EHBP1: variants seen among roughly 807,000 people sequenced by gnomAD.
The protein encoded by EHBP1 is EH domain binding protein 1.
EHBP1 carries 55 observed loss-of-function variants against 144.0 expected under a neutral mutation model. That is an observed-to-expected ratio of 0.38 (90% CI 0.31 to 0.48). The LOEUF (loss-of-function observed/expected upper bound fraction) is 0.48, where lower values mean the gene tolerates loss of function less well. Among genes scored for constraint, EHBP1 ranks in the 20% least tolerant of loss-of-function variants. The pLI, the probability that EHBP1 is intolerant of heterozygous loss-of-function variation, is 0.98. For missense variants in EHBP1, 1,200 were observed against 1,364.2 expected, an observed-to-expected ratio of 0.88 and a Z score of 1.90; for synonymous variants, 469 against 472.7, an observed-to-expected ratio of 0.99 and a Z score of 0.10.
At chr2:63,022,912 G>A (rs545075385) in intron 19 of EHBP1, among the ~76,000 whole-genome samples, 10 of 152,142 alleles carry the variant, frequency 6.6e-5, no homozygotes, top group East Asian at 1.9e-4. Context: ...AGTGGCTCAC[G>A]CCTGTAATCC....
intron 5 of EHBP1, among the ~76,000 whole-genome samples, chr2:62,794,147 T>C (rs193086137): frequency 3.6e-4 from 55 of 152,214 alleles, no homozygotes; most frequent in Middle Eastern, 6.8e-3. Context: ...GGTTTCTAAA[T>C]AATCCACAGC....
chr2:62,837,537 A>T (rs2047380868), intron 7 of EHBP1, among the ~76,000 whole-genome samples: 1 of 152,142 alleles, frequency 6.6e-6, no homozygotes, highest in Non-Finnish European at 1.5e-5. Flanking sequence ...TAAAAGACAC[A>T]GACTGGCAAA....
intron 19 of EHBP1, among the ~76,000 whole-genome samples, chr2:63,001,864 T>C (rs1359755800): frequency 6.6e-6 from 1 of 152,190 alleles, no homozygotes; most frequent in Non-Finnish European, 1.5e-5. Flanking sequence ...TTTCCTGGGG[T>C]TCTACTAGTA....
chr2:62,739,934 A>AG (rs2038535736), intron 2 of EHBP1, among the ~76,000 whole-genome samples: 1 of 118,178 alleles, frequency 8.5e-6, no homozygotes, highest in Non-Finnish European at 1.8e-5. Context: ...AGCCTGTCTC[A>AG]GAAAAAAAAA....
Position 62,979,483 on chromosome 2 carries a change from A to G in EHBP1, c.2608+148A>G, listed in dbSNP as rs1338138356. 14 of 829,528 alleles carry G rather than the reference A, an allele frequency of 1.7e-5. No homozygotes were observed. The Admixed American group carries it at 3.9e-4, about 23-fold the overall frequency. The allele number at this position is 829,528 out of a possible 1,614,324, so 51.4% of individuals were successfully genotyped here. ...ATGTTGCAAAACACCTAAAGGAAGC[A>G]TAGTAAATTAGAAGATAACTGTTGC... On this transcript the variant is annotated intron_variant, in intron 15 of 22. Transcript: ENST00000431489.
chr2:62,690,314 T>C (rs1169659794), intron 1 of EHBP1, among the ~76,000 whole-genome samples: 2 of 152,076 alleles, frequency 1.3e-5, no homozygotes, highest in Non-Finnish European at 2.9e-5. Flanking sequence ...TTGTAATCCC[T>C]GCACTTTGAG....
chr2:62,870,914 A>T (rs1197817701), intron 9 of EHBP1, among the ~76,000 whole-genome samples: 1 of 151,946 alleles, frequency 6.6e-6, no homozygotes, highest in Non-Finnish European at 1.5e-5. Context: ...AAAACCTAAA[A>T]AAGTTCTAAT....
At chr2:62,719,021 A>G (rs2035953660) in intron 2 of EHBP1, among the ~76,000 whole-genome samples, 1 of 146,790 alleles carries the variant, frequency 6.8e-6, no homozygotes, top group Admixed American at 6.9e-5. Context: ...CACTCCCATC[A>G]CTCAGGCTGG....
chr2:62,799,561 A>G (rs1390579241), intron 5 of EHBP1, among the ~76,000 whole-genome samples: 2 of 152,188 alleles, frequency 1.3e-5, no homozygotes, highest in Admixed American at 6.5e-5. Context: ...AATTACCTAT[A>G]TGATTTTTTT....
At chr2:62,851,205 AT>A (rs1190450718) in intron 7 of EHBP1, among the ~76,000 whole-genome samples, 2 of 152,180 alleles carry the variant, frequency 1.3e-5, no homozygotes, top group Non-Finnish European at 2.9e-5. Context: ...TTTCTGAAAT[AT>A]GCTAGATTCC....
intron 3 of EHBP1, among the ~76,000 whole-genome samples, chr2:62,749,716 C>T (rs1445337989): frequency 1.3e-5 from 2 of 152,170 alleles, no homozygotes; most frequent in Admixed American, 6.5e-5. Flanking sequence ...TTTTGATTTG[C>T]ATTTCTCTGA....
chr2:62,747,604 C>A (rs536310896), intron 3 of EHBP1, 152 bp downstream of exon 3: 2 of 618,162 alleles, frequency 3.2e-6, no homozygotes, highest in Non-Finnish European at 5.5e-6. Flanking sequence ...ATGCTATAAT[C>A]TTTTAACTGC....
chr2:62,888,321 C>T (rs1421989139), intron 10 of EHBP1, among the ~76,000 whole-genome samples: 1 of 152,204 alleles, frequency 6.6e-6, no homozygotes. Flanking sequence ...ATCAAGAATA[C>T]CCCTAAAAGT....
intron 1 of EHBP1, among the ~76,000 whole-genome samples, chr2:62,695,179 C>A (rs1448740335): frequency 1.3e-5 from 2 of 152,038 alleles, no homozygotes; most frequent in Non-Finnish European, 2.9e-5. Context: ...GCAACATTGG[C>A]AAAACTCCAT....
At chr2:62,734,918 G>A (rs2037971768) in intron 2 of EHBP1, among the ~76,000 whole-genome samples, 1 of 151,818 alleles carries the variant, frequency 6.6e-6, no homozygotes, top group Non-Finnish European at 1.5e-5. Flanking sequence ...TGTTTTTTTT[G>A]AGATGGAGGT....
intron 10 of EHBP1, among the ~76,000 whole-genome samples, chr2:62,896,542 C>G (rs2052954086): frequency 6.6e-6 from 1 of 152,056 alleles, no homozygotes; most frequent in African/African-American, 2.4e-5. Flanking sequence ...AGGACTCACA[C>G]ATCAATTTGT....
At chr2:62,687,300 T>C (rs181979059) in intron 1 of EHBP1, among the ~76,000 whole-genome samples, 126 of 152,346 alleles carry the variant, frequency 8.3e-4, no homozygotes, top group Non-Finnish European at 1.1e-3. Context: ...ATTTTTCCTA[T>C]TGATGGAAGG....
chr2:62,942,424 G>A (rs1025001028), intron 10 of EHBP1, among the ~76,000 whole-genome samples: 3 of 152,168 alleles, frequency 2.0e-5, no homozygotes, highest in South Asian at 2.1e-4. Context: ...TTAGCCTTAA[G>A]TATTTCAAAA....
At chr2:62,998,525 CAAG>C (rs2059727710) in intron 19 of EHBP1, among the ~76,000 whole-genome samples, 1 of 152,094 alleles carries the variant, frequency 6.6e-6, no homozygotes, top group Non-Finnish European at 1.5e-5. Context: ...TGTTACTATA[CAAG>C]AAGACTTGTG....
Sources: allele counts gnomAD v4.1 joint callset (sites outside exome capture counted in the v4.1 genomes callset), GRCh38; gene constraint gnomAD v4.1.1; transcripts MANE v1.5; gene names NCBI Gene and HGNC (gene_info 2026-07-23, HGNC 2026-07-21).